The following UIMC1 variants were observed in gnomAD, a reference collection of about 807,000 sequenced individuals.
UIMC1 encodes the protein ubiquitin interaction motif containing 1.
A neutral mutation model predicts 84.9 loss-of-function variants in UIMC1; 42 were observed. The observed-to-expected ratio is 0.49, with a 90% CI of 0.39 to 0.64. UIMC1 has a LOEUF of 0.64. Ranked by LOEUF, UIMC1 falls within the 30% of genes least tolerant of loss-of-function variation. The pLI is 0.00. For synonymous variants in UIMC1, 281 were observed against 293.0 expected (o/e 0.96, Z 0.42); for missense variants, 825 against 847.6 (o/e 0.97, Z 0.33).
intron 10 of UIMC1, among the ~76,000 whole-genome samples, chr5:176,917,268 G>A (rs934480977): frequency 6.6e-6 from 1 of 152,190 alleles, no homozygotes; most frequent in Non-Finnish European, 1.5e-5. Flanking sequence ...TCAATTAAAG[G>A]CTATTATTAG....
At chr5:176,986,085 G>A (rs1472082644) in intron 1 of UIMC1, among the ~76,000 whole-genome samples, 1 of 150,678 alleles carries the variant, frequency 6.6e-6, no homozygotes, top group African/African-American at 2.4e-5. Context: ...TTTTTTTGTA[G>A]AGACAAGACA....
chr5:176,978,381 T>A (rs909135873), intron 2 of UIMC1, among the ~76,000 whole-genome samples: 32 of 151,984 alleles, frequency 2.1e-4, no homozygotes, highest in East Asian at 1.5e-3. Flanking sequence ...TCAAAAAAAA[T>A]AAAATAAAAT....
chr5:176,911,021 G>A (rs765103029), intron 11 of UIMC1, among the ~76,000 whole-genome samples: 2 of 151,636 alleles, frequency 1.3e-5, no homozygotes, highest in Non-Finnish European at 2.9e-5. Context: ...CCCAGGAGGC[G>A]GAGGTTATGG....
At chr5:176,934,603 T>G (rs553881047) in intron 10 of UIMC1, among the ~76,000 whole-genome samples, 1 of 152,368 alleles carries the variant, frequency 6.6e-6, no homozygotes, top group South Asian at 2.1e-4. Context: ...TTAAACCCAC[T>G]GTTAATGATG....
At chr5:176,957,262 C>T (rs901222418) in intron 7 of UIMC1, among the ~76,000 whole-genome samples, 2 of 152,088 alleles carry the variant, frequency 1.3e-5, no homozygotes, top group African/African-American at 2.4e-5. Flanking sequence ...AGACCACCAC[C>T]TTGACTACAG....
intron 8 of UIMC1, among the ~76,000 whole-genome samples, chr5:176,952,929 T>C (rs142594394): frequency 4.5e-4 from 68 of 152,344 alleles, no homozygotes; most frequent in East Asian, 3.9e-3. Context: ...GACTGAATGT[T>C]TGTGTACCCC....
chr5:176,965,173 G>A (rs893419962), intron 6 of UIMC1, among the ~76,000 whole-genome samples: 1 of 152,180 alleles, frequency 6.6e-6, no homozygotes, highest in Non-Finnish European at 1.5e-5. Context: ...TGTAATCCCA[G>A]CACTTTCGGA....
chr5:176,990,110 G>A (rs1772595920), intron 1 of UIMC1, among the ~76,000 whole-genome samples: 1 of 151,958 alleles, frequency 6.6e-6, no homozygotes, highest in Non-Finnish European at 1.5e-5. Flanking sequence ...GAACCCGGGA[G>A]GTGGAGCTTG....
intron 1 of UIMC1, among the ~76,000 whole-genome samples, chr5:176,985,172 T>C (rs1020025141): frequency 1.1e-4 from 17 of 151,998 alleles, no homozygotes; most frequent in African/African-American, 3.6e-4. Flanking sequence ...GAGAGAAACA[T>C]AGACTGGGCA....
At chr5:177,022,470 C>G in exon 1 of UIMC1, 1 of 440,892 alleles carries the variant, frequency 2.3e-6, no homozygotes, top group South Asian at 4.1e-5. Flanking sequence ...TGACCGTGAG[C>G]AAGGTGAGAG....
At chr5:176,920,605 T>C (rs575009989) in intron 10 of UIMC1, among the ~76,000 whole-genome samples, 245 of 152,304 alleles carry the variant, frequency 1.6e-3, no homozygotes, top group African/African-American at 5.7e-3. Flanking sequence ...TGTACAAAAA[T>C]ACAGTTCATT....
chr5:176,934,108 C>T (rs1218109382), intron 10 of UIMC1, among the ~76,000 whole-genome samples: 1 of 152,228 alleles, frequency 6.6e-6, no homozygotes, highest in East Asian at 1.9e-4. Context: ...CCCTTACCAT[C>T]TTTTGGGTCT....
chr5:176,929,979 G>A (rs1762891467), intron 10 of UIMC1, among the ~76,000 whole-genome samples: 1 of 152,206 alleles, frequency 6.6e-6, no homozygotes, highest in Non-Finnish European at 1.5e-5. Flanking sequence ...GAATTTGTCT[G>A]AACTTCACTA....
chr5:176,983,725 G>A (rs891930690), intron 1 of UIMC1, among the ~76,000 whole-genome samples: 4 of 151,650 alleles, frequency 2.6e-5, no homozygotes, highest in Non-Finnish European at 4.4e-5. Context: ...CCCTCTGCCC[G>A]GCCACCCCGT....
chr5:176,960,281 A>T (rs552269539), intron 6 of UIMC1, among the ~76,000 whole-genome samples: 19 of 152,156 alleles, frequency 1.2e-4, no homozygotes, highest in Non-Finnish European at 2.6e-4. Context: ...TACTCAGATG[A>T]TCCTCTTCCT....
intron 10 of UIMC1, 65 bp from the exon 11 acceptor site, chr5:176,911,454 G>T: frequency 8.4e-7 from 1 of 1,184,170 alleles, no homozygotes; most frequent in Non-Finnish European, 1.1e-6. Context: ...GAATATAAAA[G>T]ACAAAATGCA....
intron 10 of UIMC1, among the ~76,000 whole-genome samples, chr5:176,938,186 T>G (rs769286274): frequency 7.2e-5 from 7 of 96,712 alleles, no homozygotes; most frequent in Non-Finnish European, 1.4e-4. Context: ...TAAGACCCTG[T>G]CTCAAAAAAA....
chr5:176,920,085 G>A (rs955340851), intron 10 of UIMC1, among the ~76,000 whole-genome samples: 11 of 152,030 alleles, frequency 7.2e-5, no homozygotes, highest in South Asian at 2.1e-4. Context: ...GCAATGGTGC[G>A]ATCTTGGCAC....
chr5:176,935,968 A>C (rs1763671113), intron 10 of UIMC1, among the ~76,000 whole-genome samples: 2 of 152,158 alleles, frequency 1.3e-5, no homozygotes, highest in Admixed American at 1.3e-4. Context: ...TCTAGACTCA[A>C]AGTGTATACA....
Sources: gnomAD v4.1 joint callset for allele counts (sites outside exome capture counted in the v4.1 genomes callset) on GRCh38, gnomAD v4.1.1 for gene constraint, MANE v1.5 for transcripts, NCBI Gene and HGNC (gene_info 2026-07-23, HGNC 2026-07-21) for gene names.